AP3M2: variants seen among roughly 807,000 people sequenced by gnomAD.
The protein encoded by AP3M2 is AP-3 complex subunit mu-2.
AP3M2 carries 28 observed loss-of-function variants against 41.6 expected under a neutral mutation model. The ratio of observed to expected loss-of-function variants is 0.67; its 90% confidence interval spans 0.50 to 0.92. The LOEUF is 0.92. AP3M2 is among the 40% of genes least tolerant of loss of function. The pLI, the probability that AP3M2 is intolerant of heterozygous loss-of-function variation, is 0.00. For synonymous variants in AP3M2, 193 were observed against 186.4 expected (o/e 1.04, Z -0.29); for missense variants, 427 against 521.4 (o/e 0.82, Z 1.76).
Position 42,165,429 on chromosome 8 carries a change from C to T in AP3M2, c.672C>T (p.Asn224=). The T allele has an allele frequency of 6.2e-7, 1 of 1,614,088 alleles. No homozygotes were observed. Residue 224 remains asparagine, a splice_region_variant and synonymous_variant, in exon 6 of 9, where the codon AAC becomes AAT. Coordinates refer to ENST00000396926, the MANE Select transcript of AP3M2 (RefSeq NM_006803.4). ...GMPDLTLSFM[N]PRLLDDVSFH... is the part of the protein sequence containing the mutation. ...TTCTCCTCTCCTGATGACTGTAGAA[C>T]CCTAGGTTGTTGGATGATGTCAGCT...
chr8:42,162,463 GACCTCTTTCATAT>G, intron 4 of AP3M2, 45 bp downstream of exon 4: 1 of 1,561,494 alleles, frequency 6.4e-7, no homozygotes, highest in Non-Finnish European at 8.7e-7. Context: ...AATAGAAAGG[GACCTCTTTCATAT>G]AATGCTTGTA....
At chr8:42,168,867 C>A in intron 8 of AP3M2, 94 bp from the exon 9 acceptor site, 1 of 867,286 alleles carries the variant, frequency 1.2e-6, no homozygotes. Context: ...AATGTCGGTC[C>A]CACTGACTTC....
chr8:42,167,081 G>T, intron 6 of AP3M2, 83 bp from the exon 7 acceptor site: 1 of 1,242,188 alleles, frequency 8.1e-7, no homozygotes, highest in Non-Finnish European at 1.2e-6. Context: ...GCTACCCACA[G>T]GGCAGAAAAA....
chr8:42,166,153 C>T (rs910197361), intron 6 of AP3M2, among the ~76,000 whole-genome samples: 3 of 152,174 alleles, frequency 2.0e-5, no homozygotes, highest in East Asian at 1.9e-4. Context: ...TGGAATCAGA[C>T]TCCCTGGACT....
At chr8:42,168,329 C>T in intron 8 of AP3M2, 1 of 417,418 alleles carries the variant, frequency 2.4e-6, no homozygotes, top group South Asian at 1.7e-5. Context: ...ATGTTCCAGG[C>T]ACTGTTTTAA....
intron 3 of AP3M2, among the ~76,000 whole-genome samples, chr8:42,160,988 G>A (rs1349373868): frequency 6.6e-6 from 1 of 152,144 alleles, no homozygotes; most frequent in Non-Finnish European, 1.5e-5. Flanking sequence ...ATCTAGAAAA[G>A]GGTATCTAAG....
intron 3 of AP3M2, among the ~76,000 whole-genome samples, chr8:42,158,494 C>G (rs1475698277): frequency 6.6e-6 from 1 of 152,112 alleles, no homozygotes; most frequent in Non-Finnish European, 1.5e-5. Flanking sequence ...GGGGATCCAC[C>G]TGCCTCGGCC....
intron 4 of AP3M2, 26 bp from the exon 5 acceptor site, chr8:42,165,044 GT>G: frequency 6.3e-7 from 1 of 1,597,702 alleles, no homozygotes; most frequent in Non-Finnish European, 8.6e-7. Flanking sequence ...AGTAATCTGT[GT>G]TCTTTTTGTC....
rs114334325 is a variant in AP3M2 at position 42,168,265 on chromosome 8, T to C, written c.1156+455T>C. ...GCCTTTCCAGGTCAGTTCACTATAGTCTGTGCCGACCTTAGCACGGTAGTC... is the reference window on the plus strand; with the variant it reads ...GCCTTTCCAGGTCAGTTCACTATAGCCTGTGCCGACCTTAGCACGGTAGTC... On this transcript the variant is annotated intron_variant, in intron 8 of 8. Coordinates refer to ENST00000396926, the MANE Select transcript of AP3M2 (RefSeq NM_006803.4). The C allele has an allele frequency of 8.2e-3, 3,753 of 456,632 alleles. 117 individuals carry two copies. Among genetic ancestry groups the C allele is most frequent in the African/African-American group, 0.065 (3,268 of 50,226 alleles). The allele number at this position is 456,632 out of a possible 1,614,324, so 28.3% of individuals were successfully genotyped here.
intron 4 of AP3M2, 140 bp from the exon 5 acceptor site, chr8:42,164,927 GGAAA>G (rs1390787265): frequency 9.3e-6 from 6 of 642,724 alleles, no homozygotes; most frequent in Admixed American, 3.2e-5. Flanking sequence ...CTAGGCAGAA[GGAAA>G]GAAAGGGAGA....
In AP3M2 at chr8:42,154,562, A is replaced by G. The variant is rs191823972; in HGVS notation, c.-72-54A>G. ...GTAAGTCTTGGACTGTTGGGAAAAG[A>G]TGGGGAGGGCCTTTTGGTTGAATGG... On this transcript the variant is annotated intron_variant, in intron 1 of 8. Coordinates refer to ENST00000396926, the MANE Select transcript of AP3M2 (RefSeq NM_006803.4). 8 of 1,391,376 alleles carry G rather than the reference A, an allele frequency of 5.7e-6. No individual in the cohort carries two copies. In the Admixed American group the frequency reaches 1.2e-4, roughly 20 times the overall value. The allele number at this position is 1,391,376 out of a possible 1,614,324, so 86.2% of individuals were successfully genotyped here. A position where few individuals can be genotyped will look rare whatever the true frequency, so the allele number is the denominator to read the frequency against.
At position 42,158,100 on chromosome 8, in the gene AP3M2, A is replaced by G; in HGVS notation, c.433A>G (p.Asn145Asp). 1 of 1,613,628 alleles carries G rather than the reference A, an allele frequency of 6.2e-7. No individual in the cohort carries two copies. Among genetic ancestry groups the G allele is most frequent in the East Asian group, 2.2e-5 (1 of 44,858 alleles). The change falls in exon 3 of 9, where the codon AAC becomes GAC. Residue 145 changes from asparagine to aspartate, a missense_variant. Transcript: ENST00000396926. ...TCCTACCATCCTTCGAACGGTTGTC[A>G]ACACCATCACAGGTACGGCAGAGGG... ...KPPTILRTVVNTITGSTNVGD... is the reference protein window; with the variant it reads ...KPPTILRTVVDTITGSTNVGD...
At chr8:42,158,463 G>C (rs1481839140) in intron 3 of AP3M2, among the ~76,000 whole-genome samples, 1 of 152,020 alleles carries the variant, frequency 6.6e-6, no homozygotes, top group East Asian at 1.9e-4. Context: ...TGGCCAGGCT[G>C]GTCTTGAACT....
Position 42,154,948 on chromosome 8 carries a change from G to A in AP3M2, c.261G>A (p.Val87=), listed in dbSNP as rs189220100. 1 of 1,613,700 alleles carries A rather than the reference G, an allele frequency of 6.2e-7. No individual in the cohort carries two copies. Among genetic ancestry groups the A allele is most frequent in the East Asian group, 2.2e-5 (1 of 44,876 alleles). ...TCATTGAGTTTCTTCACCGAGTGGTGGACACATTTCAGGTTCGTGAATGTG... is the reference window on the plus strand; with the variant it reads ...TCATTGAGTTTCTTCACCGAGTGGTAGACACATTTCAGGTTCGTGAATGTG... ...LFVIEFLHRV[V]DTFQDYFGVC... The change falls in exon 2 of 9, where the codon GTG becomes GTA. Residue 87 remains valine, a synonymous_variant. Coordinates refer to ENST00000396926, the MANE Select transcript of AP3M2 (RefSeq NM_006803.4).
At chr8:42,160,500 C>G (rs1804480740) in intron 3 of AP3M2, among the ~76,000 whole-genome samples, 10 of 152,202 alleles carry the variant, frequency 6.6e-5, no homozygotes, top group Admixed American at 6.5e-4. Context: ...AAAATAAAGT[C>G]TAGCTAGGTT....
intron 5 of AP3M2, 53 bp from the exon 6 acceptor site, chr8:42,165,374 C>T: frequency 6.3e-7 from 1 of 1,599,922 alleles, no homozygotes; most frequent in South Asian, 1.1e-5. Flanking sequence ...TTCCTGAAAG[C>T]ACTGCGGGTG....
At chr8:42,160,494 T>TAA (rs1430521684) in intron 3 of AP3M2, among the ~76,000 whole-genome samples, 1 of 152,216 alleles carries the variant, frequency 6.6e-6, no homozygotes, top group East Asian at 1.9e-4. Flanking sequence ...ATACACAAAA[T>TAA]AAAGTCTAGC....
At chr8:42,165,334 G>A in intron 5 of AP3M2, 93 bp from the exon 6 acceptor site, 1 of 1,501,928 alleles carries the variant, frequency 6.7e-7, no homozygotes, top group Non-Finnish European at 9.1e-7. Flanking sequence ...TGTGTGGTGT[G>A]TTTTAATTAA....
At chr8:42,158,247 GTTGTT>G (rs1587913369) in intron 3 of AP3M2, 135 bp downstream of exon 3, 731 of 376,296 alleles carry the variant, frequency 1.9e-3, no homozygotes, top group Middle Eastern at 4.3e-3. Flanking sequence ...GCTCTTTGTA[GTTGTT>G]TTTTTTTTTT....
Sources: allele counts gnomAD v4.1 joint callset (sites outside exome capture counted in the v4.1 genomes callset), GRCh38; gene constraint gnomAD v4.1.1; transcripts MANE v1.5; gene names NCBI Gene and HGNC (gene_info 2026-07-23, HGNC 2026-07-21).